SNX8: variants seen among roughly 807,000 people sequenced by gnomAD.
SNX8 encodes the protein sorting nexin-8.
In SNX8, 25 loss-of-function variants were observed where a neutral mutation model predicts 51.6. The ratio of observed to expected loss-of-function variants is 0.48; its 90% CI spans 0.35 to 0.68. The LOEUF is 0.68. Among genes scored for constraint, SNX8 ranks in the 30% least tolerant of loss-of-function variants. SNX8 has a pLI of 0.00. For synonymous variants in SNX8, 324 were observed against 277.0 expected, an observed-to-expected ratio of 1.17 and a Z score of -1.68; for missense variants, 695 against 624.0, an observed-to-expected ratio of 1.11 and a Z score of -1.21.
chr7:2,316,285 CCACTCACT>C (rs201667406), upstream of SNX8, among the ~76,000 whole-genome samples: 1 of 133,132 alleles, frequency 7.5e-6, no homozygotes, highest in African/African-American at 2.8e-5. Context: ...ATTCACACAA[CCACTCACT>C]CACTCACTCA....
intron 7 of SNX8, among the ~76,000 whole-genome samples, chr7:2,258,484 G>A (rs1451463677): frequency 1.3e-5 from 2 of 152,000 alleles, no homozygotes; most frequent in African/African-American, 4.8e-5. Context: ...CGACCCCTAA[G>A]GCTCCATCAA....
At chr7:2,309,329 C>A (rs1463662623) in intron 1 of SNX8, among the ~76,000 whole-genome samples, 1 of 152,196 alleles carries the variant, frequency 6.6e-6, no homozygotes, top group Non-Finnish European at 1.5e-5. Context: ...TGAGATCATC[C>A]TTCCTGGCCA....
intron 1 of SNX8, among the ~76,000 whole-genome samples, chr7:2,332,519 C>T (rs529954271): frequency 2.0e-5 from 3 of 152,032 alleles, no homozygotes; most frequent in Non-Finnish European, 4.4e-5. Context: ...CTAGGAAGGT[C>T]GAAGTAGGAG....
intron 6 of SNX8, 124 bp downstream of exon 6, chr7:2,264,174 T>C: frequency 1.1e-6 from 1 of 937,572 alleles, no homozygotes; most frequent in South Asian, 1.8e-5. Context: ...TTTCTGCCCC[T>C]TCTGAGATGA....
upstream of SNX8, among the ~76,000 whole-genome samples, chr7:2,315,221 G>A (rs1336711253): frequency 1.8e-5 from 2 of 111,462 alleles, no homozygotes; most frequent in East Asian, 2.9e-4. Context: ...CTCACTCACT[G>A]CATCCTGCAT....
chr7:2,265,160 G>A (rs1795435872), intron 5 of SNX8, among the ~76,000 whole-genome samples: 1 of 152,172 alleles, frequency 6.6e-6, no homozygotes, highest in Admixed American at 6.5e-5. Context: ...CGAGACTATG[G>A]TGAAACCCCA....
intron 1 of SNX8, among the ~76,000 whole-genome samples, chr7:2,281,484 C>A (rs965629999): frequency 6.6e-6 from 1 of 151,714 alleles, no homozygotes; most frequent in Non-Finnish European, 1.5e-5. Context: ...TGACGGACCA[C>A]ACACTGCAGA....
At chr7:2,287,435 C>T (rs1415139420) in intron 1 of SNX8, among the ~76,000 whole-genome samples, 3 of 151,912 alleles carry the variant, frequency 2.0e-5, no homozygotes, top group Admixed American at 1.3e-4. Flanking sequence ...AAAAATTAGA[C>T]GGGTGTGGTG....
intron 1 of SNX8, among the ~76,000 whole-genome samples, chr7:2,325,995 A>C (rs1294543346): frequency 6.6e-6 from 1 of 152,226 alleles, no homozygotes. Flanking sequence ...ATAAACTTGG[A>C]TATTTAACTA....
At chr7:2,327,865 C>CT (rs200030875) in intron 1 of SNX8, among the ~76,000 whole-genome samples, 188 of 150,140 alleles carry the variant, frequency 1.3e-3, no homozygotes, top group African/African-American at 4.3e-3. Context: ...TTCTTATTTC[C>CT]TTTTTTTTTC....
chr7:2,266,953 GA>G (rs1422865361), intron 5 of SNX8, among the ~76,000 whole-genome samples: 1 of 152,248 alleles, frequency 6.6e-6, no homozygotes, highest in Non-Finnish European at 1.5e-5. Flanking sequence ...CCAGAAATCT[GA>G]AAAGGTGCTG....
chr7:2,303,835 C>T (rs957516468), intron 1 of SNX8, among the ~76,000 whole-genome samples: 5 of 152,062 alleles, frequency 3.3e-5, no homozygotes, highest in African/African-American at 1.2e-4. Context: ...GCAGGGTCCT[C>T]TGCCTAGGAA....
intron 7 of SNX8, among the ~76,000 whole-genome samples, chr7:2,262,051 T>G (rs147582997): frequency 1.3e-5 from 2 of 152,280 alleles, no homozygotes; most frequent in Non-Finnish European, 2.9e-5. Context: ...CTTTTTTTTG[T>G]TTTTGAGACA....
intron 5 of SNX8, among the ~76,000 whole-genome samples, chr7:2,267,714 A>T (rs1349178039): frequency 4.7e-5 from 7 of 149,330 alleles, no homozygotes; most frequent in African/African-American, 1.7e-4. Flanking sequence ...CCGAGACTGC[A>T]GCCTCTGCCC....
At chr7:2,293,122 C>G (rs1234005987) in intron 1 of SNX8, among the ~76,000 whole-genome samples, 1 of 150,886 alleles carries the variant, frequency 6.6e-6, no homozygotes, top group East Asian at 2.0e-4. Flanking sequence ...TGAGACCAGG[C>G]TGGGCACAGT....
chr7:2,296,787 A>C (rs1283027493), intron 1 of SNX8, among the ~76,000 whole-genome samples: 1 of 151,754 alleles, frequency 6.6e-6, no homozygotes, highest in Non-Finnish European at 1.5e-5. Context: ...AAAATTAGCC[A>C]GGCATGGTGG....
chr7:2,342,515 C>T (rs1399144502), intron 1 of SNX8, among the ~76,000 whole-genome samples: 5 of 151,638 alleles, frequency 3.3e-5, no homozygotes, highest in African/African-American at 7.3e-5. Flanking sequence ...ATCAGCCGGA[C>T]GCAGTGGTGC....
intron 7 of SNX8, among the ~76,000 whole-genome samples, chr7:2,262,715 G>T (rs1398822871): frequency 6.6e-6 from 1 of 152,078 alleles, no homozygotes; most frequent in African/African-American, 2.4e-5. Flanking sequence ...AATCTGTTTT[G>T]TCGCTGGCAA....
intron 7 of SNX8, among the ~76,000 whole-genome samples, chr7:2,259,530 C>T (rs1049315067): frequency 6.6e-6 from 1 of 152,186 alleles, no homozygotes; most frequent in Non-Finnish European, 1.5e-5. Flanking sequence ...CCAGGGGTGC[C>T]GCCCAGGCCC....
Sources: gnomAD v4.1 joint callset for allele counts (sites outside exome capture counted in the v4.1 genomes callset) on GRCh38, gnomAD v4.1.1 for gene constraint, MANE v1.5 for transcripts, NCBI Gene and HGNC (gene_info 2026-07-23, HGNC 2026-07-21) for gene names.